Variants in ZFPM1 observed in about 807,000 individuals in gnomAD.
The protein encoded by ZFPM1 is zinc finger protein, FOG family member 1, also known as zinc finger protein ZFPM1.
A neutral mutation model predicts 46.3 loss-of-function variants in ZFPM1; 28 were observed. The observed-to-expected ratio is 0.60, with a 90% confidence interval of 0.45 to 0.83. The LOEUF (loss-of-function observed/expected upper bound fraction) is 0.83, where lower values mean the gene tolerates loss of function less well. ZFPM1 is among the 40% of genes least tolerant of loss of function. The pLI, the probability that ZFPM1 is intolerant of heterozygous loss-of-function variation, is 0.00. For synonymous variants in ZFPM1, 957 were observed against 675.9 expected (o/e 1.42, Z -6.45); for missense variants, 1,878 against 1,432.4 (o/e 1.31, Z -5.02).
chr16:88,498,370 G>T (rs964550187), intron 3 of ZFPM1, among the ~76,000 whole-genome samples: 1 of 152,204 alleles, frequency 6.6e-6, no homozygotes, highest in Admixed American at 6.5e-5. Context: ...ACAGGGATGG[G>T]CCTGCCCTGG....
At chr16:88,508,319 T>C (rs963454693) in intron 3 of ZFPM1, among the ~76,000 whole-genome samples, 6 of 151,824 alleles carry the variant, frequency 4.0e-5, no homozygotes, top group African/African-American at 1.5e-4. Flanking sequence ...AGAAAAGAAG[T>C]TGTTGGACCC....
intron 3 of ZFPM1, among the ~76,000 whole-genome samples, chr16:88,505,740 G>A (rs189386374): frequency 2.0e-5 from 3 of 152,278 alleles, no homozygotes; most frequent in Admixed American, 2.0e-4. Flanking sequence ...GGCCCCCTGC[G>A]ATGTGGGTCC....
chr16:88,455,817 G>C (rs1481241984), intron 1 of ZFPM1, among the ~76,000 whole-genome samples: 1 of 152,122 alleles, frequency 6.6e-6, no homozygotes, highest in Admixed American at 6.5e-5. Flanking sequence ...GGCCTTGGCC[G>C]GCCAGATGGC....
intron 3 of ZFPM1, among the ~76,000 whole-genome samples, chr16:88,506,020 T>C (rs1473408659): frequency 6.6e-6 from 1 of 152,202 alleles, no homozygotes; most frequent in Non-Finnish European, 1.5e-5. Context: ...TGTTAACCTC[T>C]GGCCTGGGGT....
chr16:88,476,370 C>T (rs931458981), intron 1 of ZFPM1, among the ~76,000 whole-genome samples: 10 of 152,120 alleles, frequency 6.6e-5, no homozygotes, highest in Admixed American at 3.9e-4. Context: ...TACTGTGTGC[C>T]GGGCACCGTT....
intron 4 of ZFPM1, among the ~76,000 whole-genome samples, chr16:88,518,737 G>GTGGATGGATGGA (rs56367074): frequency 1.6e-5 from 2 of 126,120 alleles, no homozygotes; most frequent in Admixed American, 7.7e-5. Context: ...GGCTGAGAGG[G>GTGGATGGATGGA]TGGATGGATG....
intron 7 of ZFPM1, 117 bp downstream of exon 7, chr16:88,532,352 C>T (rs530024780): frequency 1.8e-6 from 2 of 1,096,526 alleles, no homozygotes; most frequent in East Asian, 2.6e-5. Flanking sequence ...TTCACCTGCG[C>T]GGTCTCCGGC....
At chr16:88,514,581 G>C (rs771840283) in intron 4 of ZFPM1, 61 bp downstream of exon 4, 96 of 1,432,138 alleles carry the variant, frequency 6.7e-5, no homozygotes, top group Non-Finnish European at 8.5e-5. Flanking sequence ...CATGGACCCA[G>C]GGGACAGGCC....
rs1037676254 is a variant in ZFPM1 at position 88,534,650 on chromosome 16, C to T, written c.2692C>T (p.Arg898Cys). ...GGTCGAGGCCCGGACGCCGGCCGACCGCGGCCCCTCGCCCGCTCCCGCCCC... is the reference window on the plus strand; with the variant it reads ...GGTCGAGGCCCGGACGCCGGCCGACTGCGGCCCCTCGCCCGCTCCCGCCCC... Reference protein sequence around the residue: ...PGVEARTPADRGPSPAPAPAA... With the variant: ...PGVEARTPADCGPSPAPAPAA... Residue 898 changes from arginine to cysteine, a missense_variant, in exon 10 of 10, where the codon CGC becomes TGC. Coordinates refer to ENST00000319555, the MANE Select transcript of ZFPM1 (RefSeq NM_153813.3). 2.0e-6 allele frequency: 2 copies of T among 1,017,906 alleles called. No individual in the cohort carries two copies. Among genetic ancestry groups the T allele is most frequent in the African/African-American group, 1.7e-5 (1 of 57,314 alleles). The allele number at this position is 1,017,906 out of a possible 1,614,324, so 63.1% of individuals were successfully genotyped here.
intron 1 of ZFPM1, among the ~76,000 whole-genome samples, chr16:88,464,901 G>T (rs1328821821): frequency 6.6e-6 from 1 of 152,146 alleles, no homozygotes; most frequent in Non-Finnish European, 1.5e-5. Flanking sequence ...CCCCACCAGC[G>T]ATCCGCTGCC....
chr16:88,528,098 C>T lies in ZFPM1; in HGVS notation c.572C>T (p.Thr191Met), dbSNP rs142562768. The T allele has an allele frequency of 5.5e-5, 86 of 1,577,840 alleles. No individual in the cohort carries two copies. The African/African-American group carries it at 9.4e-4, about 17-fold the overall frequency. ...PAGGLLSVLLTAEPHSTPGHP... is the reference protein window; with the variant it reads ...PAGGLLSVLLMAEPHSTPGHP... ...GGGGGACTCCTGAGCGTGCTCCTCA[C>T]GGCCGAGCCCCACAGCACCCCCGGC... Residue 191 changes from threonine to methionine, a missense_variant, in exon 6 of 10, where the codon ACG becomes ATG. Transcript: ENST00000319555.
At chr16:88,528,494 T>C (rs1177544027) in intron 6 of ZFPM1, among the ~76,000 whole-genome samples, 1 of 152,196 alleles carries the variant, frequency 6.6e-6, no homozygotes, top group Admixed American at 6.5e-5. Context: ...CAGACTCGGC[T>C]CTGCCCCGCA....
intron 4 of ZFPM1, among the ~76,000 whole-genome samples, chr16:88,515,513 G>A (rs529573471): frequency 1.3e-5 from 2 of 152,370 alleles, no homozygotes; most frequent in Non-Finnish European, 2.9e-5. Context: ...GAGAGGGGGC[G>A]TGGGCAGGGC....
chr16:88,459,536 C>T (rs1907709288), intron 1 of ZFPM1, among the ~76,000 whole-genome samples: 1 of 146,454 alleles, frequency 6.8e-6, no homozygotes, highest in Non-Finnish European at 1.5e-5. Flanking sequence ...CCTTCTCCTT[C>T]CTCCCCTTCC....
intron 4 of ZFPM1, among the ~76,000 whole-genome samples, chr16:88,525,972 T>TC (rs1463358998): frequency 2.6e-5 from 4 of 152,162 alleles, no homozygotes; most frequent in Non-Finnish European, 4.4e-5. Flanking sequence ...TGGCATGAGC[T>TC]CTGTCCCTCC....
intron 1 of ZFPM1, among the ~76,000 whole-genome samples, chr16:88,454,660 C>T (rs1329520034): frequency 1.3e-5 from 2 of 152,262 alleles, no homozygotes; most frequent in African/African-American, 4.8e-5. Flanking sequence ...GGCCTCTGGG[C>T]TGTGCCAGGA....
intron 4 of ZFPM1, among the ~76,000 whole-genome samples, chr16:88,517,786 A>G (rs1264867316): frequency 3.2e-5 from 4 of 126,420 alleles, no homozygotes; most frequent in Non-Finnish European, 6.5e-5. Context: ...GGATGGATGA[A>G]TGAATGGGTG....
In ZFPM1 at chr16:88,488,897, A is replaced by G. The variant is rs116608816; in HGVS notation, c.146-134A>G. 3,091 of 1,368,346 alleles carry G rather than the reference A, an allele frequency of 2.3e-3. 51 individuals carry two copies. The African/African-American group carries it at 0.04, about 18-fold the overall frequency. The allele number at this position is 1,368,346 out of a possible 1,614,324, so 84.8% of individuals were successfully genotyped here. ...TGTCCCACCCCAGTGAGAGCGCACC[A>G]GGAGATGGGGGTGGCTCTGGGCCCG... On this transcript the variant is annotated intron_variant, in intron 2 of 9. Transcript: ENST00000319555.
intron 4 of ZFPM1, among the ~76,000 whole-genome samples, chr16:88,522,680 G>A (rs1348070223): frequency 5.3e-5 from 8 of 152,214 alleles, no homozygotes; most frequent in East Asian, 1.9e-4. Context: ...AGGTCCGCCC[G>A]GGGAATTTAA....
Sources: gnomAD v4.1 joint callset for allele counts (sites outside exome capture counted in the v4.1 genomes callset) on GRCh38, gnomAD v4.1.1 for gene constraint, MANE v1.5 for transcripts, NCBI Gene and HGNC (gene_info 2026-07-23, HGNC 2026-07-21) for gene names.